Variants in COMMD1 observed in about 807,000 individuals in gnomAD.
The protein encoded by COMMD1 is copper metabolism domain containing 1, also known as COMM domain-containing protein 1.
In COMMD1, 10 loss-of-function variants were observed where a neutral mutation model predicts 17.2. The observed-to-expected ratio is 0.58, with a 90% CI of 0.36 to 0.99. The LOEUF (loss-of-function observed/expected upper bound fraction) is 0.99. Among genes scored for constraint, COMMD1 ranks in the 50% least tolerant of loss-of-function variants. The probability of loss-of-function intolerance (pLI) is 0.01; values close to 1 mark genes in which losing one functional copy is unlikely to be tolerated. For synonymous variants in COMMD1, 97 were observed against 91.6 expected (o/e 1.06, Z -0.34); for missense variants, 270 against 231.8 (o/e 1.17, Z -1.07).
Position 62,128,307 on chromosome 2 carries a change from G to A in COMMD1, c.463-7524G>A, listed in dbSNP as rs183921791. ...GGCACTTCTTCACTCCAGCCTGGGC[G>A]ACAGTGTGAGACTCTGTCTAAAAAA... On this transcript the variant is annotated intron_variant, in intron 2 of 2. Coordinates refer to ENST00000311832, the MANE Select transcript of COMMD1 (RefSeq NM_152516.4). Among the ~76,000 whole-genome samples, 14 of 147,924 alleles carry A rather than the reference G, an allele frequency of 9.5e-5. No homozygotes were observed. In the East Asian group the frequency reaches 1.8e-3, roughly 19 times the overall value.
At chr2:62,058,993 C>T (rs1229216432) in intron 2 of COMMD1, among the ~76,000 whole-genome samples, 7 of 151,892 alleles carry the variant, frequency 4.6e-5, no homozygotes, top group South Asian at 4.2e-4. Context: ...TTAGTCAGGC[C>T]GGTCTCGAAC....
chr2:62,004,727 A>G (rs568711948), intron 2 of COMMD1, among the ~76,000 whole-genome samples: 1 of 152,366 alleles, frequency 6.6e-6, no homozygotes, highest in East Asian at 1.9e-4. Context: ...TGTTTTTGTG[A>G]GAACTGGATC....
At chr2:62,062,786 T>C (rs912169037) in intron 2 of COMMD1, among the ~76,000 whole-genome samples, 1 of 152,168 alleles carries the variant, frequency 6.6e-6, no homozygotes, top group Non-Finnish European at 1.5e-5. Flanking sequence ...TGTCAGATGT[T>C]AGGCCAGACA....
rs769224790 is a variant in COMMD1 at position 61,973,558 on chromosome 2, A to G, written c.181-27143A>G. Among the ~76,000 whole-genome samples, 11 of 152,058 alleles carry G rather than the reference A, an allele frequency of 7.2e-5. 1 individual carries two copies. The highest frequency in any genetic ancestry group is 1.0e-4 in the Non-Finnish European group (7 of 68,000). ...TTCCTCCTCTGTGAATTGTCTGTTC[A>G]TATTTTTGGTCAGGTTTTTATGTTG... On this transcript the variant is annotated intron_variant, in intron 1 of 2. Coordinates refer to ENST00000311832, the MANE Select transcript of COMMD1 (RefSeq NM_152516.4).
intron 2 of COMMD1, among the ~76,000 whole-genome samples, chr2:62,084,063 G>A (rs1286278071): frequency 6.6e-6 from 1 of 152,094 alleles, no homozygotes; most frequent in African/African-American, 2.4e-5. Flanking sequence ...GGTTGTTTTT[G>A]TATTGTTTTG....
intron 2 of COMMD1, chr2:62,070,414 C>T (rs528504252): frequency 7.9e-5 from 12 of 151,754 alleles, no homozygotes; most frequent in African/African-American, 2.2e-4. Context: ...AAAAATTAGC[C>T]AGGCATGGTG....
At chr2:61,938,739 C>T (rs1222934228) in intron 1 of COMMD1, among the ~76,000 whole-genome samples, 1 of 152,166 alleles carries the variant, frequency 6.6e-6, no homozygotes, top group Non-Finnish European at 1.5e-5. Context: ...ATCTCTTCCA[C>T]TGGTTAACAG....
At chr2:61,992,470 CAG>C (rs1377093480) in intron 1 of COMMD1, among the ~76,000 whole-genome samples, 1 of 152,110 alleles carries the variant, frequency 6.6e-6, no homozygotes, top group Non-Finnish European at 1.5e-5. Context: ...TGTTCTTGGT[CAG>C]GGGTCTGCAA....
intron 1 of COMMD1, among the ~76,000 whole-genome samples, chr2:61,916,405 C>A (rs1289437761): frequency 6.6e-6 from 1 of 152,002 alleles, no homozygotes; most frequent in Non-Finnish European, 1.5e-5. Flanking sequence ...CTGTACATAA[C>A]TTTCTGCATT....
intron 2 of COMMD1, among the ~76,000 whole-genome samples, chr2:62,026,283 C>G (rs1167605451): frequency 6.6e-6 from 1 of 152,126 alleles, no homozygotes; most frequent in Non-Finnish European, 1.5e-5. Flanking sequence ...CTAGCATTTG[C>G]TTGGCTTCTA....
At chr2:62,042,892 G>C (rs1329879532) in intron 2 of COMMD1, among the ~76,000 whole-genome samples, 1 of 152,210 alleles carries the variant, frequency 6.6e-6, no homozygotes, top group Admixed American at 6.5e-5. Flanking sequence ...TACAGCCTTT[G>C]TCTCTGAAGG....
At chr2:62,091,228 T>C (rs573992082) in intron 2 of COMMD1, among the ~76,000 whole-genome samples, 4 of 152,350 alleles carry the variant, frequency 2.6e-5, no homozygotes, top group Non-Finnish European at 4.4e-5. Flanking sequence ...GTATTATCTT[T>C]TAAAGCAGCT....
chr2:62,064,878 T>A (rs901004940), intron 2 of COMMD1, among the ~76,000 whole-genome samples: 9 of 151,946 alleles, frequency 5.9e-5, no homozygotes, highest in African/African-American at 2.2e-4. Context: ...CATAAAAATC[T>A]ATGCTGTGCC....
At chr2:61,927,341 CTTAGTT>C (rs1308205346) in intron 1 of COMMD1, among the ~76,000 whole-genome samples, 2 of 152,152 alleles carry the variant, frequency 1.3e-5, no homozygotes, top group African/African-American at 4.8e-5. Context: ...CAGATAACAA[CTTAGTT>C]TTAGTAGTGG....
chr2:61,941,951 G>A (rs1670760193), intron 1 of COMMD1, among the ~76,000 whole-genome samples: 1 of 151,940 alleles, frequency 6.6e-6, no homozygotes, highest in Non-Finnish European at 1.5e-5. Flanking sequence ...GTAACCACAG[G>A]CCTCAGAGGT....
At chr2:62,012,437 G>A (rs1310134341) in intron 2 of COMMD1, among the ~76,000 whole-genome samples, 1 of 151,106 alleles carries the variant, frequency 6.6e-6, no homozygotes, top group Non-Finnish European at 1.5e-5. Context: ...CCCTGCCTCA[G>A]CCTCCTGAGT....
At chr2:61,960,122 T>C (rs1671302257) in intron 1 of COMMD1, among the ~76,000 whole-genome samples, 1 of 151,298 alleles carries the variant, frequency 6.6e-6, no homozygotes, top group East Asian at 1.9e-4. Context: ...TATGTGTGTG[T>C]GTGTGTGTGT....
chr2:62,090,988 C>G (rs571311902), intron 2 of COMMD1, among the ~76,000 whole-genome samples: 1 of 152,124 alleles, frequency 6.6e-6, no homozygotes, highest in Admixed American at 6.5e-5. Context: ...TCACATTTAC[C>G]GTCCAAAAAT....
chr2:62,091,669 C>A (rs1244562769), intron 2 of COMMD1, among the ~76,000 whole-genome samples: 1 of 152,262 alleles, frequency 6.6e-6, no homozygotes, highest in Non-Finnish European at 1.5e-5. Flanking sequence ...AGGGCAGTGT[C>A]AGTGTGGTTG....
Sources: gnomAD v4.1 joint callset for allele counts (sites outside exome capture counted in the v4.1 genomes callset) on GRCh38, gnomAD v4.1.1 for gene constraint, MANE v1.5 for transcripts, NCBI Gene and HGNC (gene_info 2026-07-23, HGNC 2026-07-21) for gene names.